PTPN14: variants seen among roughly 807,000 people sequenced by gnomAD.
PTPN14 encodes the protein tyrosine-protein phosphatase non-receptor type 14.
Under a neutral mutation model 126.8 loss-of-function variants are expected in PTPN14, and 53 were observed. That is an observed-to-expected ratio of 0.42 (90% confidence interval 0.34 to 0.53). PTPN14 has a LOEUF of 0.53. Ranked by LOEUF, PTPN14 falls within the 20% of genes least tolerant of loss-of-function variation. PTPN14 has a pLI of 0.08. For missense variants in PTPN14, 1,257 were observed against 1,552.9 expected (o/e 0.81, Z 3.20); for synonymous variants, 630 against 599.3 (o/e 1.05, Z -0.75).
chr1:214,384,151 G>A lies in PTPN14; in HGVS notation c.1704C>T (p.Pro568=), dbSNP rs1189277996. The change falls in exon 13 of 19, where the codon CCC becomes CCT. Residue 568 remains proline, a synonymous_variant. Transcript: ENST00000366956. This position sits in a 1 kb window ranked among gnomAD's most constrained non-coding sequence, Gnocchi z 5.3. ...TGGCAGGTCGTGGCCGTGGGTAGGG[G>A]GGCGGTGGCCTGAAGAGATAGTTCT... ...MLKNYLFRPP[P]PYPRPRPATS... The A allele has an allele frequency of 1.3e-6, 2 of 1,580,438 alleles. No individual in the cohort carries two copies. Among genetic ancestry groups the A allele is most frequent in the Non-Finnish European group, 8.6e-7 (1 of 1,165,438 alleles).
At chr1:214,481,507 C>T (rs535744535) in intron 1 of PTPN14, among the ~76,000 whole-genome samples, 4 of 60,968 alleles carry the variant, frequency 6.6e-5, no homozygotes, top group South Asian at 5.6e-4. Context: ...GCGAAACTCC[C>T]GCTCAAAAAA....
chr1:214,386,356 T>C (rs1658608806), intron 12 of PTPN14, among the ~76,000 whole-genome samples: 1 of 152,098 alleles, frequency 6.6e-6, no homozygotes, highest in Admixed American at 6.5e-5. Context: ...AGATTTACCT[T>C]ACTCAGAGAA....
intron 3 of PTPN14, among the ~76,000 whole-genome samples, chr1:214,421,302 G>A (rs933537530): frequency 2.0e-5 from 3 of 152,184 alleles, no homozygotes; most frequent in African/African-American, 7.2e-5. Flanking sequence ...GACACAAAGA[G>A]TCACATCTGT....
chr1:214,434,223 G>A (rs1241163639), intron 3 of PTPN14, among the ~76,000 whole-genome samples: 1 of 152,124 alleles, frequency 6.6e-6, no homozygotes, highest in African/African-American at 2.4e-5. Flanking sequence ...AGAAGGACAG[G>A]GTTCCAGTAA....
chr1:214,393,692 TACTC>T lies in PTPN14; in HGVS notation c.928_929+2del, dbSNP rs1167470123. On this transcript the variant is annotated splice_donor_variant and coding_sequence_variant, in exon 10 of 19. Transcript: ENST00000366956. LOFTEE classifies it high-confidence loss of function. Reference sequence around the variant, plus strand: ...AGTCGGGGGGGATTAAATGTTTACTTACTCAGTGCAGATTTTGTTTTGTTTGTAA... The same window carrying T: ...AGTCGGGGGGGATTAAATGTTTACTTAGTGCAGATTTTGTTTTGTTTGTAA... 2 of 1,561,526 alleles carry T rather than the reference TACTC, an allele frequency of 1.3e-6. No individual in the cohort carries two copies. Among genetic ancestry groups the T allele is most frequent in the Non-Finnish European group, 1.8e-6 (2 of 1,132,172 alleles).
intron 1 of PTPN14, among the ~76,000 whole-genome samples, chr1:214,535,112 A>G (rs1162663023): frequency 6.6e-6 from 1 of 152,226 alleles, no homozygotes; most frequent in Non-Finnish European, 1.5e-5. Flanking sequence ...AGGCAAGCCA[A>G]TGAGTACCAG....
At chr1:214,456,084 G>T (rs949669314) in intron 2 of PTPN14, among the ~76,000 whole-genome samples, 1 of 150,982 alleles carries the variant, frequency 6.6e-6, no homozygotes, top group Non-Finnish European at 1.5e-5. Context: ...TTTTTTGAGG[G>T]TTTTGTTTTT....
chr1:214,405,623 A>G (rs1659148561), intron 5 of PTPN14, among the ~76,000 whole-genome samples: 1 of 151,834 alleles, frequency 6.6e-6, no homozygotes, highest in African/African-American at 2.4e-5. Context: ...AAAAAAAAAA[A>G]GCATAGAGTG....
At chr1:214,390,306 C>G (rs774461582) in intron 11 of PTPN14, among the ~76,000 whole-genome samples, 7 of 152,178 alleles carry the variant, frequency 4.6e-5, no homozygotes, top group Non-Finnish European at 8.8e-5. Flanking sequence ...AAAACATAGC[C>G]TAAGACAGAA....
At chr1:214,484,503 C>A (rs1661070188) in intron 1 of PTPN14, among the ~76,000 whole-genome samples, 1 of 152,018 alleles carries the variant, frequency 6.6e-6, no homozygotes, top group Admixed American at 6.5e-5. Context: ...CATTTTTTCC[C>A]CAACTGAAAA....
chr1:214,350,707 A>ATTTTTTTTTTTTTTTTTTTTTT lies in PTPN14; in HGVS notation c.*7193_*7214dup, dbSNP rs56080046. On this transcript the variant is annotated 3_prime_UTR_variant, in exon 19 of 19. Coordinates refer to ENST00000366956, the MANE Select transcript of PTPN14 (RefSeq NM_005401.5). ...AGGCATGTGCCACCATGCCTGGCTA[A>ATTTTTTTTTTTTTTTTTTTTTT]TTTTTTTTTTTTTTTTTTTTTTTGT... The ATTTTTTTTTTTTTTTTTTTTTT allele has an allele frequency of 5.4e-5, 4 of 74,538 alleles. No homozygotes were observed. Among genetic ancestry groups the ATTTTTTTTTTTTTTTTTTTTTT allele is most frequent in the Non-Finnish European group, 9.2e-5 (4 of 43,632 alleles). The allele number at this position is 74,538 out of a possible 1,614,324, so 4.6% of individuals were successfully genotyped here. A position where few individuals can be genotyped will look rare whatever the true frequency, so the allele number is the denominator to read the frequency against.
chr1:214,434,808 G>A (rs1224826885), intron 3 of PTPN14, among the ~76,000 whole-genome samples: 7 of 152,152 alleles, frequency 4.6e-5, no homozygotes, highest in Non-Finnish European at 8.8e-5. Context: ...GACCCACGGC[G>A]AAACATGTTT....
intron 1 of PTPN14, among the ~76,000 whole-genome samples, chr1:214,520,065 A>AAAAATATATATATATATATAT: frequency 7.0e-5 from 5 of 71,102 alleles, no homozygotes; most frequent in South Asian, 1.3e-3. Context: ...AAAAAAAAAA[A>AAAAATATATATATATATATAT]ATATATATAT....
intron 4 of PTPN14, 135 bp downstream of exon 4, chr1:214,414,494 A>T: frequency 1.2e-6 from 1 of 849,070 alleles, no homozygotes. Context: ...TTTTTCACGT[A>T]AGATAACTTG....
At chr1:214,447,712 C>T (rs1424245465) in intron 3 of PTPN14, among the ~76,000 whole-genome samples, 3 of 152,204 alleles carry the variant, frequency 2.0e-5, no homozygotes, top group African/African-American at 4.8e-5. Flanking sequence ...CACATACTCA[C>T]GCACAGACAA....
chr1:214,374,623 G>A (rs536161552), intron 15 of PTPN14, among the ~76,000 whole-genome samples: 10 of 152,292 alleles, frequency 6.6e-5, no homozygotes, highest in African/African-American at 2.2e-4. Context: ...AACCCAGGGG[G>A]GAAAACACTG....
At chr1:214,424,686 C>A (rs1335161531) in intron 3 of PTPN14, among the ~76,000 whole-genome samples, 2 of 152,076 alleles carry the variant, frequency 1.3e-5, no homozygotes, top group Non-Finnish European at 2.9e-5. Context: ...TGCCACCACA[C>A]CTGGCTAACT....
At chr1:214,390,520 C>T (rs1183174146) in intron 11 of PTPN14, among the ~76,000 whole-genome samples, 3 of 152,066 alleles carry the variant, frequency 2.0e-5, no homozygotes, top group African/African-American at 7.2e-5. Flanking sequence ...TCAATTTTCC[C>T]CATCAGATAC....
intron 1 of PTPN14, among the ~76,000 whole-genome samples, chr1:214,520,065 A>AAAAAAAAAAAAAAATATATATATATATAT: frequency 5.6e-5 from 4 of 71,104 alleles, no homozygotes; most frequent in African/African-American, 2.2e-4. Context: ...AAAAAAAAAA[A>AAAAAAAAAAAAAAATATATATATATATAT]ATATATATAT....
Sources: allele counts gnomAD v4.1 joint callset (sites outside exome capture counted in the v4.1 genomes callset), GRCh38; gene constraint gnomAD v4.1.1; non-coding constraint Gnocchi (gnomAD v3.1); transcripts MANE v1.5; gene names NCBI Gene and HGNC (gene_info 2026-07-23, HGNC 2026-07-21).